EFCAB5: variants seen among roughly 807,000 people sequenced by gnomAD.
The protein encoded by EFCAB5 is EF-hand calcium-binding domain-containing protein 5.
In EFCAB5, 131 loss-of-function variants were observed where a neutral mutation model predicts 167.9. That is an observed-to-expected ratio of 0.78 (90% CI 0.68 to 0.90). The LOEUF (loss-of-function observed/expected upper bound fraction) is 0.90, where lower values mean the gene tolerates loss of function less well. Ranked by LOEUF, EFCAB5 falls within the 40% of genes least tolerant of loss-of-function variation. The pLI, the probability that EFCAB5 is intolerant of heterozygous loss-of-function variation, is 0.00. For synonymous variants in EFCAB5, 574 were observed against 602.8 expected, an observed-to-expected ratio of 0.95 and a Z score of 0.70; for missense variants, 1,663 against 1,745.2, an observed-to-expected ratio of 0.95 and a Z score of 0.84.
chr17:29,973,227 A>G (rs1357627449), intron 4 of EFCAB5, among the ~76,000 whole-genome samples: 1 of 152,130 alleles, frequency 6.6e-6, no homozygotes, highest in East Asian at 1.9e-4. Flanking sequence ...TTGAGCCACA[A>G]ACTTTATGTG....
At chr17:30,017,020 T>A (rs1238036677) in intron 7 of EFCAB5, among the ~76,000 whole-genome samples, 1 of 151,726 alleles carries the variant, frequency 6.6e-6, no homozygotes. Flanking sequence ...CTACAAAAAA[T>A]TTAAAAATTA....
chr17:29,931,638 C>T (rs891303480), intron 1 of EFCAB5, among the ~76,000 whole-genome samples: 1 of 152,192 alleles, frequency 6.6e-6, no homozygotes, highest in East Asian at 1.9e-4. Context: ...CCGTAGTAAA[C>T]AGGAAAAGAG....
intron 22 of EFCAB5, among the ~76,000 whole-genome samples, chr17:30,097,031 CATATACATATACATATACATAT>C (rs1567777337): frequency 1.7e-4 from 18 of 107,982 alleles, no homozygotes; most frequent in African/African-American, 7.9e-4. Context: ...TATACATATA[CATATACATATACATATACATAT>C]ATATATATTT....
At chr17:30,079,545 C>T (rs1041982590) in intron 15 of EFCAB5, among the ~76,000 whole-genome samples, 1 of 152,098 alleles carries the variant, frequency 6.6e-6, no homozygotes. Flanking sequence ...ATAGTAGTTG[C>T]AGAAAGTCTG....
chr17:29,977,352 T>C (rs189479336), intron 4 of EFCAB5, among the ~76,000 whole-genome samples: 12 of 152,312 alleles, frequency 7.9e-5, no homozygotes, highest in Non-Finnish European at 1.3e-4. Context: ...TTTTAAAATA[T>C]AAAACTTTTA....
chr17:29,982,617 T>C (rs2068200943), intron 4 of EFCAB5, among the ~76,000 whole-genome samples: 1 of 152,176 alleles, frequency 6.6e-6, no homozygotes, highest in South Asian at 2.1e-4. Context: ...TCACATTGTA[T>C]AGGACAGAGT....
At chr17:30,063,364 T>A in intron 14 of EFCAB5, among the ~76,000 whole-genome samples, 1 of 152,192 alleles carries the variant, frequency 6.6e-6, no homozygotes, top group East Asian at 1.9e-4. Flanking sequence ...CCCTGAGACC[T>A]GAGTTGCCTT....
chr17:29,939,129 G>A (rs1567666172), upstream of EFCAB5, among the ~76,000 whole-genome samples: 1 of 152,160 alleles, frequency 6.6e-6, no homozygotes. Flanking sequence ...ACAGGCGTGG[G>A]AACAACATTA....
intron 7 of EFCAB5, among the ~76,000 whole-genome samples, chr17:30,013,169 A>G (rs1217953795): frequency 6.6e-6 from 1 of 152,150 alleles, no homozygotes; most frequent in Non-Finnish European, 1.5e-5. Flanking sequence ...ATCTTGGTGG[A>G]TAAGCTTTTT....
chr17:29,996,921 C>A (rs1027690364), intron 6 of EFCAB5, among the ~76,000 whole-genome samples: 1 of 152,082 alleles, frequency 6.6e-6, no homozygotes, highest in Non-Finnish European at 1.5e-5. Context: ...ATAATCTCAT[C>A]CAGTTCTGTT....
chr17:30,043,078 G>A (rs537014707), intron 8 of EFCAB5, among the ~76,000 whole-genome samples: 13 of 152,020 alleles, frequency 8.6e-5, no homozygotes, highest in African/African-American at 2.4e-4. Context: ...CCAGGAGTTC[G>A]AATCCAGCCT....
chr17:29,959,669 G>T (rs2151555704), intron 3 of EFCAB5, among the ~76,000 whole-genome samples: 1 of 152,282 alleles, frequency 6.6e-6, no homozygotes, highest in South Asian at 2.1e-4. Flanking sequence ...ACTCTGCTTG[G>T]TACTTTATTT....
chr17:29,941,574 T>A (rs2067297847), upstream of EFCAB5: 1 of 386,270 alleles, frequency 2.6e-6, no homozygotes, highest in Non-Finnish European at 4.6e-6. Flanking sequence ...GATCTAGCTT[T>A]GGTCAGTAGC....
chr17:30,025,490 A>G (rs1330202065), intron 7 of EFCAB5, among the ~76,000 whole-genome samples: 1 of 152,172 alleles, frequency 6.6e-6, no homozygotes, highest in Non-Finnish European at 1.5e-5. Context: ...CACCAGTTAG[A>G]ATGGCAATCA....
intron 3 of EFCAB5, among the ~76,000 whole-genome samples, chr17:29,961,125 CTGTT>C (rs914826160): frequency 6.6e-6 from 1 of 152,120 alleles, no homozygotes; most frequent in Non-Finnish European, 1.5e-5. Flanking sequence ...TTCTGAGTTT[CTGTT>C]TGTTTTTGTT....
intron 17 of EFCAB5, among the ~76,000 whole-genome samples, chr17:30,081,871 T>C (rs1452673591): frequency 6.6e-6 from 1 of 152,188 alleles, no homozygotes; most frequent in African/African-American, 2.4e-5. Context: ...GTGAAGTATA[T>C]ATAGTCTTGC....
chr17:29,972,571 GC>G (rs1370998686), intron 4 of EFCAB5: 1 of 152,496 alleles, frequency 6.6e-6, no homozygotes, highest in Non-Finnish European at 1.5e-5. Context: ...TCTGGGCCAT[GC>G]CTGCTCTTGC....
chr17:29,969,479 C>T (rs2067905825), intron 4 of EFCAB5, 112 bp downstream of exon 4: 1 of 985,990 alleles, frequency 1.0e-6, no homozygotes, highest in Non-Finnish European at 1.5e-6. Flanking sequence ...TACAGTTATT[C>T]AGAAAGTATT....
At chr17:30,069,437 A>C in intron 14 of EFCAB5, 1 of 1,547,476 alleles carries the variant, frequency 6.5e-7, no homozygotes, top group African/African-American at 1.4e-5. Context: ...AGAGATATTC[A>C]CGGAAAAGGT....
Sources: gnomAD v4.1 joint callset for allele counts (sites outside exome capture counted in the v4.1 genomes callset) on GRCh38, gnomAD v4.1.1 for gene constraint, MANE v1.5 for transcripts, NCBI Gene and HGNC (gene_info 2026-07-23, HGNC 2026-07-21) for gene names.